The following ZMAT3 variants were observed in gnomAD, a reference collection of about 807,000 sequenced individuals.
ZMAT3 encodes zinc finger matrin-type 3.
ZMAT3 carries 17 observed loss-of-function variants against 32.3 expected under a neutral mutation model. The observed-to-expected ratio is 0.53, with a 90% CI of 0.36 to 0.79. ZMAT3 has a LOEUF of 0.79. Ranked by LOEUF, ZMAT3 falls within the 30% of genes least tolerant of loss-of-function variation. The pLI, the probability that ZMAT3 is intolerant of heterozygous loss-of-function variation, is 0.00. For missense variants in ZMAT3, 329 were observed against 359.7 expected (o/e 0.91, Z 0.69); for synonymous variants, 120 against 133.1 (o/e 0.90, Z 0.68).
Position 179,017,710 on chromosome 3 carries a change from G to T in ZMAT3, c.*7307C>A, listed in dbSNP as rs1718342730. ...ATGCCATTCAATAAAGGGTTCTAAA[G>T]CCTCCCTTGGTTTTACATTTTATTC... is the stretch of plus-strand genomic sequence containing the variant. On this transcript the variant is annotated 3_prime_UTR_variant, in exon 6 of 6. Coordinates refer to ENST00000311417, the MANE Select transcript of ZMAT3 (RefSeq NM_022470.4). 6.6e-6 allele frequency: 1 copy of T among 152,174 alleles called. No homozygotes were observed. The highest frequency in any genetic ancestry group is 6.5e-5 in the Admixed American group (1 of 15,270). The allele number at this position is 152,174 out of a possible 1,614,324, so 9.4% of individuals were successfully genotyped here.
chr3:179,047,715 C>T (rs2108565409), intron 2 of ZMAT3, among the ~76,000 whole-genome samples: 2 of 149,344 alleles, frequency 1.3e-5, no homozygotes, highest in Middle Eastern at 6.8e-3. Context: ...AAAAAATAGC[C>T]GGATGTGGTG....
At chr3:179,030,851 G>A (rs983353592) in intron 3 of ZMAT3, 29 bp downstream of exon 3, 5 of 1,599,088 alleles carry the variant, frequency 3.1e-6, no homozygotes, top group Non-Finnish European at 4.3e-6. Flanking sequence ...CCACCCTAAT[G>A]CTGCTTCACC....
intron 3 of ZMAT3, among the ~76,000 whole-genome samples, chr3:179,029,721 T>C (rs1419023023): frequency 1.3e-5 from 2 of 152,206 alleles, no homozygotes; most frequent in African/African-American, 4.8e-5. Flanking sequence ...CACCAAGTCA[T>C]ATTGCAGCCT....
At chr3:179,028,909 C>A (rs929982694) in intron 3 of ZMAT3, among the ~76,000 whole-genome samples, 1 of 152,114 alleles carries the variant, frequency 6.6e-6, no homozygotes, top group Non-Finnish European at 1.5e-5. Context: ...CCTGTAGTCC[C>A]AGCACTTTGG....
intron 1 of ZMAT3, among the ~76,000 whole-genome samples, chr3:179,068,900 C>T (rs368482796): frequency 5.9e-5 from 9 of 152,118 alleles, no homozygotes; most frequent in African/African-American, 1.7e-4. Flanking sequence ...ATCACTTGGC[C>T]CACATTCCTA....
At chr3:179,036,523 T>C (rs961649943) in intron 2 of ZMAT3, among the ~76,000 whole-genome samples, 2 of 151,956 alleles carry the variant, frequency 1.3e-5, no homozygotes, top group African/African-American at 2.4e-5. Flanking sequence ...GCAGGAACTA[T>C]GAAGAAGGTA....
At chr3:179,032,068 GC>G (rs756815949) in intron 2 of ZMAT3, among the ~76,000 whole-genome samples, 107,935 of 107,946 alleles carry the variant, frequency 1, 53,962 homozygotes, top group Middle Eastern at 1. Context: ...AGGCTGGACT[GC>G]TTGCCGCCAT....
intron 2 of ZMAT3, among the ~76,000 whole-genome samples, chr3:179,033,851 G>A (rs1253795323): frequency 6.6e-6 from 1 of 152,220 alleles, no homozygotes; most frequent in Non-Finnish European, 1.5e-5. Flanking sequence ...TCCAGAGACT[G>A]TAAGGAGCTT....
intron 2 of ZMAT3, among the ~76,000 whole-genome samples, chr3:179,063,742 T>C (rs1721265035): frequency 3.3e-5 from 5 of 152,364 alleles, no homozygotes; most frequent in African/African-American, 9.6e-5. Flanking sequence ...AGCCTGCAGA[T>C]AGACTTTAAT....
chr3:179,033,887 A>G (rs1174927326), intron 2 of ZMAT3, among the ~76,000 whole-genome samples: 1 of 152,244 alleles, frequency 6.6e-6, no homozygotes, highest in African/African-American at 2.4e-5. Context: ...CTCAAGGGCT[A>G]AATAGCACAG....
rs561481042 is a variant in ZMAT3 at position 179,024,847 on chromosome 3, G to A, written c.*170C>T. The A allele has an allele frequency of 2.3e-4, 82 of 354,308 alleles. 1 individual carries two copies. The highest frequency in any genetic ancestry group is 1.7e-3 in the South Asian group (74 of 44,516). 21.9% of individuals were successfully genotyped at this position (354,308 alleles called of 1,614,324 possible). A position where few individuals can be genotyped will look rare whatever the true frequency, so the allele number is the denominator to read the frequency against. On this transcript the variant is annotated 3_prime_UTR_variant, in exon 6 of 6. Coordinates refer to ENST00000311417, the MANE Select transcript of ZMAT3 (RefSeq NM_022470.4). ...ACGTTCTTCACACCCACCTCCCCCC[G>A]CCCCGCCCCCGGGCCCCCAGGTTTT...
chr3:179,029,340 A>G (rs1485902955), intron 3 of ZMAT3, among the ~76,000 whole-genome samples: 2 of 152,306 alleles, frequency 1.3e-5, no homozygotes, highest in East Asian at 3.9e-4. Context: ...GCATTAAATG[A>G]CGTCAGGGCC....
intron 2 of ZMAT3, among the ~76,000 whole-genome samples, chr3:179,033,072 G>C (rs1259824045): frequency 1.3e-5 from 2 of 152,254 alleles, no homozygotes; most frequent in Non-Finnish European, 2.9e-5. Context: ...AAAGGAAAGA[G>C]AGATCAGATT....
chr3:179,049,467 T>C (rs1415485014), intron 2 of ZMAT3, among the ~76,000 whole-genome samples: 1 of 152,146 alleles, frequency 6.6e-6, no homozygotes, highest in Non-Finnish European at 1.5e-5. Context: ...TAGCAAGTAC[T>C]TTCTCAGACC....
chr3:179,040,901 CAAA>C lies in ZMAT3; in HGVS notation c.271-9905_271-9903del, dbSNP rs55945452. The stretch of plus-strand genomic sequence containing the variant: ...GAAGATCTACCAAGCAAATGGAAAG[CAAA>C]AAAAAAAAAAAAGCAGGGGTAACAA... On this transcript the variant is annotated intron_variant, in intron 2 of 5. Transcript: ENST00000311417. 0.018 allele frequency among the ~76,000 whole-genome samples: 2,313 copies of C among 131,494 alleles called. 124 individuals are homozygous for C. In the East Asian group the frequency reaches 0.23, roughly 13 times the overall value. 86.3% of individuals were successfully genotyped at this position (131,494 alleles called of 152,430 possible). A position where few individuals can be genotyped will look rare whatever the true frequency, so the allele number is the denominator to read the frequency against.
Position 179,031,921 on chromosome 3 carries a change from AAAACTCTC to A in ZMAT3, c.271-930_271-923del, listed in dbSNP as rs1171552611. Among the ~76,000 whole-genome samples the A allele has an allele frequency of 9.7e-5, 9 of 92,462 alleles. 1 individual carries two copies. The highest frequency in any genetic ancestry group is 1.2e-4 in the African/African-American group (3 of 24,500). 60.7% of individuals were successfully genotyped at this position (92,462 alleles called of 152,430 possible). On this transcript the variant is annotated intron_variant, in intron 2 of 5. Coordinates refer to ENST00000311417, the MANE Select transcript of ZMAT3 (RefSeq NM_022470.4). ...GATTCTGTCTCAAATAAAAAAAAAA[AAAACTCTC>A]CCTCTCCCTCCCCCTCCCCCTCCCC...
intron 1 of ZMAT3, among the ~76,000 whole-genome samples, chr3:179,068,540 T>A (rs1721542912): frequency 6.6e-6 from 1 of 151,304 alleles, no homozygotes; most frequent in African/African-American, 2.4e-5. Context: ...CAGCTAAAAA[T>A]CTTAGCAAAC....
At chr3:179,039,069 G>T (rs1347591258) in intron 2 of ZMAT3, among the ~76,000 whole-genome samples, 1 of 152,212 alleles carries the variant, frequency 6.6e-6, no homozygotes, top group Non-Finnish European at 1.5e-5. Flanking sequence ...AGCTCGAACT[G>T]GGCAGAGCCC....
intron 2 of ZMAT3, among the ~76,000 whole-genome samples, chr3:179,036,115 A>C (rs924313338): frequency 5.9e-5 from 9 of 152,234 alleles, no homozygotes; most frequent in Non-Finnish European, 1.2e-4. Context: ...AGGAACTTTA[A>C]GCAAAGCAGT....
Sources: allele counts gnomAD v4.1 joint callset (sites outside exome capture counted in the v4.1 genomes callset), GRCh38; gene constraint gnomAD v4.1.1; transcripts MANE v1.5; gene names NCBI Gene and HGNC (gene_info 2026-07-23, HGNC 2026-07-21).